Variants in SH3BP1 observed in about 807,000 individuals in gnomAD.
The protein encoded by SH3BP1 is SH3 domain-binding protein 1.
In SH3BP1, 46 loss-of-function variants were observed where a neutral mutation model predicts 69.8. The observed-to-expected ratio is 0.66, with a 90% CI of 0.52 to 0.84. The LOEUF is 0.84. Among genes scored for constraint, SH3BP1 ranks in the 40% least tolerant of loss-of-function variants. SH3BP1 has a pLI of 0.00. For missense variants in SH3BP1, 868 were observed against 930.9 expected, an observed-to-expected ratio of 0.93 and a Z score of 0.88; for synonymous variants, 403 against 378.0, an observed-to-expected ratio of 1.07 and a Z score of -0.77.
rs142684855 is a variant in SH3BP1, at chr22:37,644,914, G to A, written c.732G>A (p.Ser244=). 1.9e-4 allele frequency: 308 copies of A among 1,614,024 alleles called. 1 individual carries two copies. The African/African-American group carries it at 3.0e-3, about 15-fold the overall frequency. The change falls in exon 9 of 18, where the codon TCG becomes TCA. Residue 244 remains serine, a synonymous_variant. Coordinates refer to ENST00000649765, the MANE Select transcript of SH3BP1 (RefSeq NM_018957.6). ...ATTACCATCGCAGGTCACTGAGCTC[G>A]CTGGACACAGCCCTGGCTGAGCTGA... is the stretch of plus-strand genomic sequence containing the variant. ...QADYHRRSLS[S]LDTALAELRE...
intron 17 of SH3BP1, among the ~76,000 whole-genome samples, chr22:37,654,450 C>T (rs1932958807): frequency 6.6e-6 from 1 of 151,848 alleles, no homozygotes; most frequent in Admixed American, 6.6e-5. Context: ...GGGTGCCTAT[C>T]ATCCCAGATA....
Position 37,655,359 on chromosome 22 carries a change from C to T in SH3BP1, c.1781C>T (p.Pro594Leu). The stretch of plus-strand genomic sequence containing the variant: ...TCCCCTCCAGCCCCGCCCTTGCCCC[C>T]TGGCTCTGGCAGCCCTGGGACCCCC... ...RSSPPAPPLPPGSGSPGTPQA... is the reference protein window; with the variant it reads ...RSSPPAPPLPLGSGSPGTPQA... Residue 594 changes from proline (P) to leucine (L), a missense_variant, in exon 18 of 18, where the codon CCT becomes CTT. Coordinates refer to ENST00000649765, the MANE Select transcript of SH3BP1 (RefSeq NM_018957.6). 1 of 1,467,006 alleles carries T rather than the reference C, an allele frequency of 6.8e-7. No individual in the cohort carries two copies. The highest frequency in any genetic ancestry group is 9.1e-7 in the Non-Finnish European group (1 of 1,094,384). 90.9% of individuals were successfully genotyped at this position (1,467,006 alleles called of 1,614,324 possible).
intron 16 of SH3BP1, among the ~76,000 whole-genome samples, chr22:37,652,202 C>T (rs552666302): frequency 2.0e-5 from 3 of 151,702 alleles, no homozygotes; most frequent in Non-Finnish European, 2.9e-5. Context: ...CCCAGCTACT[C>T]GGGAGGCTGA....
intron 17 of SH3BP1, 66 bp from the exon 18 acceptor site, chr22:37,655,199 GGCACGGA>G: frequency 9.0e-7 from 1 of 1,111,922 alleles, no homozygotes; most frequent in Admixed American, 2.5e-5. Flanking sequence ...GTTGTGAGGG[GGCACGGA>G]GCTTGGTGGA....
At position 37,650,716 on chromosome 22, in the gene SH3BP1, C is replaced by G. The variant is rs1217887285; in HGVS notation, c.1589C>G (p.Thr530Ser). ...APAPALASAA[T>S]KERTESEVPP... ...GCCCCAGCCTTGGCTTCAGCAGCTACCAAGGAAAGGTGAGGACTGAGGGGC... is the reference window on the plus strand; with the variant it reads ...GCCCCAGCCTTGGCTTCAGCAGCTAGCAAGGAAAGGTGAGGACTGAGGGGC... The change falls in exon 16 of 18, where the codon ACC becomes AGC. Residue 530 changes from threonine (T) to serine (S), a missense_variant. Physicochemically the swap from Thr to Ser is moderately conservative, Grantham distance 58 (BLOSUM62 1). This residue lies in a region of SH3BP1 where 474 missense variants were observed against 462.3 expected (regional missense o/e 1.03). Coordinates refer to ENST00000649765, the MANE Select transcript of SH3BP1 (RefSeq NM_018957.6). The G allele has an allele frequency of 6.2e-7, 1 of 1,610,168 alleles. No homozygotes were observed. Among genetic ancestry groups the G allele is most frequent in the South Asian group, 1.1e-5 (1 of 90,508 alleles).
chr22:37,655,997 A>C lies in SH3BP1; in HGVS notation c.*313A>C. The C allele has an allele frequency of 6.8e-7, 1 of 1,477,910 alleles. No homozygotes were observed. The highest frequency in any genetic ancestry group is 9.1e-7 in the Non-Finnish European group (1 of 1,103,514). The allele number at this position is 1,477,910 out of a possible 1,614,324, so 91.5% of individuals were successfully genotyped here. A position where few individuals can be genotyped will look rare whatever the true frequency, so the allele number is the denominator to read the frequency against. ...CGGGACTGATTCTTCTCTTGCCGACATGTTTTTTGTAAGGCTGGTAAATAA... is the reference window on the plus strand; with the variant it reads ...CGGGACTGATTCTTCTCTTGCCGACCTGTTTTTTGTAAGGCTGGTAAATAA... On this transcript the variant is annotated 3_prime_UTR_variant, in exon 18 of 18. Coordinates refer to ENST00000649765, the MANE Select transcript of SH3BP1 (RefSeq NM_018957.6).
At chr22:37,640,061 G>GC (rs927728402) in intron 1 of SH3BP1, among the ~76,000 whole-genome samples, 14 of 152,138 alleles carry the variant, frequency 9.2e-5, no homozygotes, top group African/African-American at 1.4e-4. Context: ...GGGAAGGGAT[G>GC]CCCCCCCTTA....
rs779899546 is a variant in SH3BP1 at position 37,643,624 on chromosome 22, C to G, written c.474-20C>G. 4.8e-5 allele frequency: 78 copies of G among 1,613,946 alleles called. No homozygotes were observed. Among genetic ancestry groups the G allele is most frequent in the Non-Finnish European group, 5.9e-5 (70 of 1,180,016 alleles). On this transcript the variant is annotated intron_variant, in intron 6 of 17. Transcript: ENST00000649765. ...CATGCAACAGGGCAGGTGACCAGCT[C>G]ACCTTGGGATCATCTCCAGGCTCAG...
intron 15 of SH3BP1, 88 bp from the exon 16 acceptor site, chr22:37,650,454 G>A (rs1023903511): frequency 2.0e-6 from 3 of 1,532,744 alleles, no homozygotes; most frequent in African/African-American, 1.4e-5. Flanking sequence ...GTCCAGATGG[G>A]TTCAGGGGAA....
chr22:37,650,698 C>A lies in SH3BP1; in HGVS notation c.1571C>A (p.Ala524Asp). ...GCTCCAGCTCCAGCTCCGGCCCCAG[C>A]CTTGGCTTCAGCAGCTACCAAGGAA... ...APAPAPAPAP[A>D]LASAATKERT... is the part of the protein sequence containing the mutation. Residue 524 changes from alanine to aspartate, a missense_variant, in exon 16 of 18, where the codon GCC becomes GAC. Ala to Asp is a moderately radical substitution (Grantham distance 126). Coordinates refer to ENST00000649765, the MANE Select transcript of SH3BP1 (RefSeq NM_018957.6). The A allele has an allele frequency of 3.7e-6, 6 of 1,612,614 alleles. No individual in the cohort carries two copies. Among genetic ancestry groups the A allele is most frequent in the Non-Finnish European group, 5.1e-6 (6 of 1,179,262 alleles).
chr22:37,650,682 C>T lies in SH3BP1; in HGVS notation c.1555C>T (p.Pro519Ser). 2 of 1,613,600 alleles carry T rather than the reference C, an allele frequency of 1.2e-6. No individual in the cohort carries two copies. Among genetic ancestry groups the T allele is most frequent in the Non-Finnish European group, 8.5e-7 (1 of 1,179,822 alleles). ...CCCGGCTCCGGCTCCGGCTCCAGCT[C>T]CAGCTCCGGCCCCAGCCTTGGCTTC... ...TTPAPAPAPA[P>S]APAPALASAA... Residue 519 changes from proline to serine, a missense_variant, in exon 16 of 18, where the codon CCA (proline) becomes TCA (serine). Physicochemically the swap from Pro to Ser is moderately conservative, Grantham distance 74. This residue lies in a region of SH3BP1 where 474 missense variants were observed against 462.3 expected (regional missense o/e 1.03). Transcript: ENST00000649765.
Position 37,655,275 on chromosome 22 carries a change from A to T in SH3BP1, c.1697A>T (p.Lys566Met). Reference protein sequence around the residue: ...APVEDMARRTKRPAPARPTMP... With the variant: ...APVEDMARRTMRPAPARPTMP... ...TCACCCTTTCCTTCCTCAACAGCCA[A>T]GCGCCCGGCGCCAGCCCGGCCCACC... is the stretch of plus-strand genomic sequence containing the variant. The change falls in exon 18 of 18, where the codon AAG becomes ATG. Residue 566 changes from lysine to methionine, a missense_variant. This residue lies in a region of SH3BP1 where 474 missense variants were observed against 462.3 expected (regional missense o/e 1.03). Transcript: ENST00000649765. The T allele has an allele frequency of 6.3e-7, 1 of 1,585,938 alleles. No individual in the cohort carries two copies. Among genetic ancestry groups the T allele is most frequent in the Non-Finnish European group, 8.6e-7 (1 of 1,169,400 alleles).
chr22:37,647,697 AC>A (rs1932809358), intron 13 of SH3BP1, among the ~76,000 whole-genome samples, 176 bp downstream of exon 13: 1 of 150,430 alleles, frequency 6.6e-6, no homozygotes, highest in Non-Finnish European at 1.5e-5. Flanking sequence ...TTTTTCTGAG[AC>A]AGGGTCTCAC....
chr22:37,643,731 G>T lies in SH3BP1; in HGVS notation c.561G>T (p.Lys187Asn). The T allele has an allele frequency of 6.2e-7, 1 of 1,614,042 alleles. No homozygotes were observed. The highest frequency in any genetic ancestry group is 8.5e-7 in the Non-Finnish European group (1 of 1,180,020). The change falls in exon 7 of 18, where the codon AAG (lysine) becomes AAT (asparagine). Residue 187 changes from lysine to asparagine, a missense_variant. Physicochemically the swap from Lys to Asn is moderately conservative, Grantham distance 94. Transcript: ENST00000649765. ...GSHSHTTMAN[K>N]VETLKEEEEE... ...ACAGCCATACGACCATGGCCAACAA[G>T]GTGGAGACGCTGAAGGAGGAGGAGG... is the stretch of plus-strand genomic sequence containing the variant.
rs755591073 is a variant in SH3BP1 at position 37,647,500 on chromosome 22, C to T, written c.1178C>T (p.Pro393Leu). The change falls in exon 13 of 18, where the codon CCC becomes CTC. Residue 393 changes from proline (P) to leucine (L), a missense_variant. By Grantham distance (98) the Pro-to-Leu change is moderately conservative. Coordinates refer to ENST00000649765, the MANE Select transcript of SH3BP1 (RefSeq NM_018957.6). ...ALQEVCSRLPPENLSNLRYLM... is the reference protein window; with the variant it reads ...ALQEVCSRLPLENLSNLRYLM... The stretch of plus-strand genomic sequence containing the variant: ...CAAGAGGTGTGCAGCCGCCTACCCC[C>T]CGAGAACCTCAGCAACCTCAGGTGA... 6.2e-6 allele frequency: 10 copies of T among 1,605,560 alleles called. No homozygotes were observed. The South Asian group carries it at 1.1e-4, about 18-fold the overall frequency.
At chr22:37,643,539 C>T (rs780997577) in intron 6 of SH3BP1, 105 bp from the exon 7 acceptor site, 125 of 1,486,050 alleles carry the variant, frequency 8.4e-5, no homozygotes, top group Non-Finnish European at 1.1e-4. Context: ...CTCAGATCTG[C>T]AGCTCTAAAT....
intron 7 of SH3BP1, 81 bp downstream of exon 7, chr22:37,643,869 G>A: frequency 1.3e-6 from 2 of 1,553,978 alleles, no homozygotes; most frequent in Non-Finnish European, 8.8e-7. Flanking sequence ...GGAAGCTGAA[G>A]TTCAGAGAGG....
Position 37,655,320 on chromosome 22 carries a change from C to T in SH3BP1, c.1742C>T (p.Ser581Phe). The T allele has an allele frequency of 2.0e-6, 3 of 1,538,400 alleles. No homozygotes were observed. Among genetic ancestry groups the T allele is most frequent in the Non-Finnish European group, 2.6e-6 (3 of 1,144,916 alleles). Residue 581 changes from serine to phenylalanine, a missense_variant, in exon 18 of 18, where the codon TCC (serine) becomes TTC (phenylalanine). Physicochemically the swap from Ser to Phe is radical, Grantham distance 155. Around this residue, in one of 3 missense-constraint regions of SH3BP1, gnomAD observed 474 missense variants for 462.3 expected, o/e 1.03. Coordinates refer to ENST00000649765, the MANE Select transcript of SH3BP1 (RefSeq NM_018957.6). ...ARPTMPPPQV[S>F]GSRSSPPAPP... ...CCCACCATGCCGCCCCCCCAGGTCT[C>T]CGGCTCCCGCTCCTCCCCTCCAGCC...
intron 4 of SH3BP1, 92 bp from the exon 5 acceptor site, chr22:37,642,803 G>A: frequency 6.3e-7 from 1 of 1,593,404 alleles, no homozygotes; most frequent in Non-Finnish European, 8.5e-7. Flanking sequence ...ATCTAGGAGG[G>A]GCCGGAAGTG....
Sources: allele counts gnomAD v4.1 joint callset (sites outside exome capture counted in the v4.1 genomes callset), GRCh38; gene constraint gnomAD v4.1.1; regional missense constraint gnomAD v4.1.1; transcripts MANE v1.5; gene names NCBI Gene and HGNC (gene_info 2026-07-23, HGNC 2026-07-21).